Variants in TMEM178A observed in about 807,000 individuals in gnomAD.
TMEM178A encodes transmembrane protein 178.
TMEM178A carries 12 observed loss-of-function variants against 29.1 expected under a neutral mutation model. That is an observed-to-expected ratio of 0.41 (90% CI 0.26 to 0.67). The LOEUF is 0.67. Among genes scored for constraint, TMEM178A ranks in the 30% least tolerant of loss-of-function variants. The probability of loss-of-function intolerance (pLI) is 0.29; values close to 1 mark genes in which losing one functional copy is unlikely to be tolerated. For missense variants in TMEM178A, 366 were observed against 419.1 expected, an observed-to-expected ratio of 0.87 and a Z score of 1.11; for synonymous variants, 210 against 187.2, an observed-to-expected ratio of 1.12 and a Z score of -0.99.
chr2:39,689,763 C>T (rs1671232817), intron 1 of TMEM178A, among the ~76,000 whole-genome samples: 1 of 152,100 alleles, frequency 6.6e-6, no homozygotes, highest in African/African-American at 2.4e-5. Flanking sequence ...CCCTGAAAGC[C>T]ACACAAAAAC....
In TMEM178A at chr2:39,717,476, G is replaced by A; in HGVS notation, c.*225G>A. Reference sequence around the variant, plus strand: ...TATTTATGCGTTGACTGTGAGAATAGGGAGCAGTGCCATGGGACATTTCTA... The same window carrying A: ...TATTTATGCGTTGACTGTGAGAATAAGGAGCAGTGCCATGGGACATTTCTA... On this transcript the variant is annotated 3_prime_UTR_variant, in exon 4 of 4. Coordinates refer to ENST00000281961, the MANE Select transcript of TMEM178A (RefSeq NM_152390.3). 2.0e-6 allele frequency: 1 copy of A among 492,812 alleles called. No homozygotes were observed. The highest frequency in any genetic ancestry group is 5.4e-4 in the Middle Eastern group (1 of 1,856). The allele number at this position is 492,812 out of a possible 1,614,324, so 30.5% of individuals were successfully genotyped here.
intron 3 of TMEM178A, among the ~76,000 whole-genome samples, chr2:39,711,936 G>A (rs1343295837): frequency 6.6e-6 from 1 of 152,070 alleles, no homozygotes; most frequent in Non-Finnish European, 1.5e-5. Context: ...GGATCAATAA[G>A]TACTAGAATA....
chr2:39,730,240 G>C, the TMEM178A span, among the ~76,000 whole-genome samples: 1 of 152,152 alleles, frequency 6.6e-6, no homozygotes. Context: ...AAGGAGGAGG[G>C]TTTCCACGAA....
chr2:39,700,754 A>G (rs1328119854), intron 1 of TMEM178A, among the ~76,000 whole-genome samples: 2 of 150,652 alleles, frequency 1.3e-5, no homozygotes, highest in Non-Finnish European at 3.0e-5. Flanking sequence ...TTTCTTCATT[A>G]ATGTTTTCTT....
In TMEM178A at chr2:39,666,155, C is replaced by G; in HGVS notation, c.181C>G (p.Pro61Ala). 6.6e-7 allele frequency: 1 copy of G among 1,505,730 alleles called. No homozygotes were observed. The highest frequency in any genetic ancestry group is 8.8e-7 in the Non-Finnish European group (1 of 1,133,482). 93.3% of individuals were successfully genotyped at this position (1,505,730 alleles called of 1,614,324 possible). A position where few individuals can be genotyped will look rare whatever the true frequency, so the allele number is the denominator to read the frequency against. ...CCCGGACCAGAAGAACCGCCTGATG[C>G]CGCTGTCGCACCTGCCGCTGCGGGA... ...DPPDQKNRLMPLSHLPLRDSP... is the reference protein window; with the variant it reads ...DPPDQKNRLMALSHLPLRDSP... The change falls in exon 1 of 4, where the codon CCG becomes GCG. Residue 61 changes from proline (P) to alanine (A), a missense_variant. Physicochemically the swap from Pro to Ala is conservative, Grantham distance 27. Around this residue, in one of 2 missense-constraint regions of TMEM178A, gnomAD observed 247 missense variants for 246.8 expected, o/e 1.00. Coordinates refer to ENST00000281961, the MANE Select transcript of TMEM178A (RefSeq NM_152390.3).
chr2:39,673,003 A>G (rs1266893401), intron 1 of TMEM178A, among the ~76,000 whole-genome samples: 1 of 152,204 alleles, frequency 6.6e-6, no homozygotes, highest in Non-Finnish European at 1.5e-5. Context: ...AGTTAGCAAG[A>G]ATGAACTCTG....
At chr2:39,712,662 CCTCT>C (rs61349730) in intron 3 of TMEM178A, among the ~76,000 whole-genome samples, 4,198 of 148,358 alleles carry the variant, frequency 0.028, 178 homozygotes, top group African/African-American at 0.091. Flanking sequence ...GACTCAGGAA[CCTCT>C]CTCTCTCTCT....
At chr2:39,725,958 T>C in the TMEM178A span, among the ~76,000 whole-genome samples, 1 of 152,174 alleles carries the variant, frequency 6.6e-6, no homozygotes, top group East Asian at 1.9e-4. Context: ...CTTTGATTTG[T>C]CACATCTCTA....
intron 1 of TMEM178A, among the ~76,000 whole-genome samples, chr2:39,693,209 C>G (rs138644856): frequency 0.024 from 3,623 of 152,308 alleles, 115 homozygotes; most frequent in African/African-American, 0.067. Flanking sequence ...TTCCCACCTT[C>G]TTTGGATGCT....
At chr2:39,732,022 C>A in the TMEM178A span, among the ~76,000 whole-genome samples, 46 of 152,242 alleles carry the variant, frequency 3.0e-4, no homozygotes, top group African/African-American at 9.4e-4. Flanking sequence ...ATCCACATTC[C>A]TCTTCCCGAG....
chr2:39,708,374 C>T (rs904997661), intron 3 of TMEM178A, among the ~76,000 whole-genome samples: 8 of 146,668 alleles, frequency 5.5e-5, no homozygotes, highest in Non-Finnish European at 1.0e-4. Flanking sequence ...GGGTGACAAA[C>T]GCCACTAGAA....
chr2:39,725,597 T>G, the TMEM178A span, among the ~76,000 whole-genome samples: 1 of 152,174 alleles, frequency 6.6e-6, no homozygotes, highest in African/African-American at 2.4e-5. Context: ...CAGATGACCA[T>G]GAAAAGTAAC....
chr2:39,667,692 C>G (rs190579685), intron 1 of TMEM178A, among the ~76,000 whole-genome samples: 9 of 152,306 alleles, frequency 5.9e-5, no homozygotes, highest in African/African-American at 2.2e-4. Flanking sequence ...CTTCCCATGG[C>G]TAACTCAGCT....
chr2:39,732,088 G>A, the TMEM178A span, among the ~76,000 whole-genome samples: 1 of 152,134 alleles, frequency 6.6e-6, no homozygotes, highest in Admixed American at 6.5e-5. Flanking sequence ...AGGATGACAT[G>A]TTGAGGATCT....
At chr2:39,692,293 A>G (rs1023670169) in intron 1 of TMEM178A, among the ~76,000 whole-genome samples, 2 of 152,196 alleles carry the variant, frequency 1.3e-5, no homozygotes, top group African/African-American at 4.8e-5. Flanking sequence ...TAGACTTGAA[A>G]TTTGCTAAGA....
chr2:39,722,509 C>T (rs560705649), downstream of TMEM178A, among the ~76,000 whole-genome samples: 17 of 152,246 alleles, frequency 1.1e-4, no homozygotes, highest in African/African-American at 3.9e-4. Context: ...AGTTGTTTTC[C>T]AGAAGTTGTG....
intron 3 of TMEM178A, among the ~76,000 whole-genome samples, chr2:39,708,642 C>T (rs1442101505): frequency 6.6e-6 from 1 of 151,626 alleles, no homozygotes; most frequent in Admixed American, 6.6e-5. Flanking sequence ...TGGTCTCGAT[C>T]TCCTGACCTC....
rs1670136001 is a variant in TMEM178A at position 39,666,058 on chromosome 2, C to A, written c.84C>A (p.Thr28=). 9 of 1,564,390 alleles carry A rather than the reference C, an allele frequency of 5.8e-6. No homozygotes were observed. The highest frequency in any genetic ancestry group is 7.8e-6 in the Non-Finnish European group (9 of 1,158,932). The part of the protein sequence containing the change: ...SLGLLVTAIF[T]DHWYETDPRR... ...GGCTGCTCGTCACGGCCATCTTCAC[C>A]GACCACTGGTACGAGACCGACCCCC... The change falls in exon 1 of 4, where the codon ACC becomes ACA. Residue 28 remains threonine, a synonymous_variant. Transcript: ENST00000281961.
chr2:39,671,201 G>T (rs1276683796), intron 1 of TMEM178A, among the ~76,000 whole-genome samples: 1 of 152,094 alleles, frequency 6.6e-6, no homozygotes, highest in Admixed American at 6.5e-5. Flanking sequence ...TAAGAGATTT[G>T]GTAGGAATTC....
Sources: allele counts gnomAD v4.1 joint callset (sites outside exome capture counted in the v4.1 genomes callset), GRCh38; gene constraint gnomAD v4.1.1; regional missense constraint gnomAD v4.1.1; transcripts MANE v1.5; gene names NCBI Gene and HGNC (gene_info 2026-07-23, HGNC 2026-07-21).